The following KHDRBS2 variants were observed in gnomAD, a reference collection of about 807,000 sequenced individuals.
KHDRBS2 encodes KH RNA binding domain containing, signal transduction associated 2.
Under a neutral mutation model 44.3 loss-of-function variants are expected in KHDRBS2, and 26 were observed. The observed-to-expected ratio is 0.59, with a 90% CI of 0.43 to 0.81. The LOEUF (loss-of-function observed/expected upper bound fraction) is 0.81. Among genes scored for constraint, KHDRBS2 ranks in the 40% least tolerant of loss-of-function variants. The pLI is 0.00. For missense variants in KHDRBS2, 476 were observed against 433.1 expected (o/e 1.10, Z -0.88); for synonymous variants, 194 against 151.1 (o/e 1.28, Z -2.08).
At chr6:61,898,896 ACT>A (rs1803428797) in intron 5 of KHDRBS2, among the ~76,000 whole-genome samples, 1 of 151,962 alleles carries the variant, frequency 6.6e-6, no homozygotes, top group Admixed American at 6.6e-5. Flanking sequence ...ACAATATCTA[ACT>A]CTTTTCTTGA....
rs556127974 is a variant in KHDRBS2 at position 62,073,513 on chromosome 6, T to C, written c.220-25519A>G. Among the ~76,000 whole-genome samples, 297 of 148,528 alleles carry C rather than the reference T, an allele frequency of 2.0e-3. 3 individuals are homozygous for C. Among genetic ancestry groups the C allele is most frequent in the Middle Eastern group, 0.01 (3 of 288 alleles). On this transcript the variant is annotated intron_variant, in intron 2 of 8. Transcript: ENST00000281156. ...TACAAAGAGCCAGATTATGGTTTGG[T>C]GATTTTTTTCTTTTTTCTTTTTTTT...
At chr6:61,647,307 A>G in the KHDRBS2 span, among the ~76,000 whole-genome samples, 3 of 152,132 alleles carry the variant, frequency 2.0e-5, no homozygotes, top group Non-Finnish European at 4.4e-5. Context: ...TTTCATACTT[A>G]GGTTTATAAT....
chr6:61,547,294 C>T, the KHDRBS2 span, among the ~76,000 whole-genome samples: 18 of 152,226 alleles, frequency 1.2e-4, no homozygotes, highest in Admixed American at 5.2e-4. Flanking sequence ...TACATTCACC[C>T]TTACATTCTT....
chr6:61,608,479 T>A, the KHDRBS2 span, among the ~76,000 whole-genome samples: 381 of 152,254 alleles, frequency 2.5e-3, 2 homozygotes, highest in Non-Finnish European at 4.2e-3. Flanking sequence ...GGGATAAATG[T>A]GCAGAACATG....
At chr6:61,916,772 G>T (rs1352608663) in intron 4 of KHDRBS2, among the ~76,000 whole-genome samples, 1 of 151,836 alleles carries the variant, frequency 6.6e-6, no homozygotes, top group Admixed American at 6.6e-5. Context: ...TAGTGAGCAA[G>T]GGTGAAAGTG....
intron 1 of KHDRBS2, among the ~76,000 whole-genome samples, chr6:62,244,939 C>T (rs942009446): frequency 6.6e-6 from 1 of 152,106 alleles, no homozygotes; most frequent in African/African-American, 2.4e-5. Flanking sequence ...CTGGGCCACG[C>T]AGCAGCAAGT....
At chr6:61,799,348 C>A (rs1430959387) in intron 6 of KHDRBS2, among the ~76,000 whole-genome samples, 2 of 151,666 alleles carry the variant, frequency 1.3e-5, no homozygotes, top group South Asian at 2.1e-4. Flanking sequence ...ATAGTTATTT[C>A]TTTTTGCATA....
At chr6:61,817,066 T>G in intron 6 of KHDRBS2, 1 of 407,736 alleles carries the variant, frequency 2.5e-6, no homozygotes, top group South Asian at 1.7e-5. Context: ...ATATTCAGGT[T>G]TTCTAAAAAA....
At chr6:61,761,003 A>G (rs1366859979) in intron 6 of KHDRBS2, among the ~76,000 whole-genome samples, 1 of 152,226 alleles carries the variant, frequency 6.6e-6, no homozygotes, top group Non-Finnish European at 1.5e-5. Flanking sequence ...TCAGGCAAAT[A>G]GGGTTGAAAG....
the KHDRBS2 span, among the ~76,000 whole-genome samples, chr6:61,597,488 C>G: frequency 1.3e-5 from 2 of 151,740 alleles, no homozygotes; most frequent in African/African-American, 4.8e-5. Context: ...CACTGGAAGT[C>G]TCTTTTAGAC....
chr6:62,187,243 A>C (rs1182969768), intron 1 of KHDRBS2, among the ~76,000 whole-genome samples: 4 of 152,180 alleles, frequency 2.6e-5, no homozygotes, highest in Non-Finnish European at 5.9e-5. Flanking sequence ...GAAAACCTGA[A>C]TATTAATTTT....
intron 7 of KHDRBS2, among the ~76,000 whole-genome samples, chr6:61,704,744 A>G (rs976407561): frequency 8.3e-6 from 1 of 120,722 alleles, no homozygotes; most frequent in Non-Finnish European, 1.9e-5. Context: ...CACCTGGCAC[A>G]TTATTCAACA....
intron 6 of KHDRBS2, among the ~76,000 whole-genome samples, chr6:61,757,058 T>C (rs1397893605): frequency 6.6e-6 from 1 of 152,228 alleles, no homozygotes; most frequent in Non-Finnish European, 1.5e-5. Flanking sequence ...GTCTATTTTA[T>C]ATTGCTCAGT....
chr6:61,956,841 G>C (rs968273327), intron 4 of KHDRBS2, among the ~76,000 whole-genome samples: 2 of 151,772 alleles, frequency 1.3e-5, no homozygotes, highest in African/African-American at 2.4e-5. Flanking sequence ...ATTTTTTTAA[G>C]GTCTGAGTTA....
At chr6:61,644,963 G>T in the KHDRBS2 span, among the ~76,000 whole-genome samples, 1 of 152,014 alleles carries the variant, frequency 6.6e-6, no homozygotes, top group South Asian at 2.1e-4. Context: ...TCTCATTACT[G>T]GGTATATACT....
intron 2 of KHDRBS2, among the ~76,000 whole-genome samples, chr6:62,100,387 A>C (rs1801585138): frequency 1.3e-5 from 2 of 152,236 alleles, no homozygotes. Context: ...ATATTACATA[A>C]ATTTAGTTGA....
chr6:61,830,502 A>G (rs1230472544), intron 6 of KHDRBS2, among the ~76,000 whole-genome samples: 2 of 152,234 alleles, frequency 1.3e-5, no homozygotes, highest in Admixed American at 1.3e-4. Flanking sequence ...ATAAAGAGAG[A>G]TGAATGTTGA....
intron 5 of KHDRBS2, 128 bp from the exon 6 acceptor site, chr6:61,894,961 G>C (rs989559838): frequency 1.8e-4 from 109 of 613,704 alleles, no homozygotes; most frequent in East Asian, 3.7e-4. Flanking sequence ...CTCTCTCTGT[G>C]TGTGTGTGTG....
chr6:61,894,876 G>C, intron 5 of KHDRBS2, 43 bp from the exon 6 acceptor site: 1 of 1,407,640 alleles, frequency 7.1e-7, no homozygotes, highest in African/African-American at 1.4e-5. Context: ...CAGGTGATGA[G>C]AGAAAAGGGC....
Sources: allele counts gnomAD v4.1 joint callset (sites outside exome capture counted in the v4.1 genomes callset), GRCh38; gene constraint gnomAD v4.1.1; transcripts MANE v1.5; gene names NCBI Gene and HGNC (gene_info 2026-07-23, HGNC 2026-07-21).